Variants in IGDCC4 observed in about 807,000 individuals in gnomAD.
IGDCC4 encodes the protein immunoglobulin superfamily DCC subclass member 4.
A neutral mutation model predicts 116.6 loss-of-function variants in IGDCC4; 72 were observed. The ratio of observed to expected loss-of-function variants is 0.62; its 90% confidence interval spans 0.51 to 0.75. The LOEUF (loss-of-function observed/expected upper bound fraction) is 0.75. Ranked by LOEUF, IGDCC4 falls within the 30% of genes least tolerant of loss-of-function variation. IGDCC4 has a pLI of 0.00. For missense variants in IGDCC4, 1,501 were observed against 1,662.4 expected (o/e 0.90, Z 1.69); for synonymous variants, 709 against 719.9 (o/e 0.98, Z 0.24).
At chr15:65,404,875 AC>A (rs2063025411) in intron 3 of IGDCC4, among the ~76,000 whole-genome samples, 1 of 152,114 alleles carries the variant, frequency 6.6e-6, no homozygotes, top group African/African-American at 2.4e-5. Context: ...ACATGGCAAA[AC>A]CCAGTCTCTA....
At chr15:65,397,610 A>G (rs1435117065) in intron 5 of IGDCC4, among the ~76,000 whole-genome samples, 2 of 151,790 alleles carry the variant, frequency 1.3e-5, no homozygotes, top group African/African-American at 4.8e-5. Context: ...TGGAAGGATC[A>G]CTTGAGACCA....
intron 3 of IGDCC4, among the ~76,000 whole-genome samples, chr15:65,408,281 T>G (rs1326146713): frequency 6.6e-6 from 1 of 152,192 alleles, no homozygotes; most frequent in East Asian, 1.9e-4. Flanking sequence ...TGCTGCCTTC[T>G]GCTACCCTCT....
chr15:65,389,738 G>A (rs913355866), intron 13 of IGDCC4, among the ~76,000 whole-genome samples: 2 of 152,168 alleles, frequency 1.3e-5, no homozygotes, highest in Admixed American at 1.3e-4. Context: ...GTATATATCG[G>A]TTGCTTTTTA....
At chr15:65,422,729 G>A in intron 1 of IGDCC4, 64 bp downstream of exon 1, 1 of 1,255,400 alleles carries the variant, frequency 8.0e-7, no homozygotes, top group Non-Finnish European at 1.0e-6. Flanking sequence ...GCCCGATGCA[G>A]ACCAGGGCGC....
intron 5 of IGDCC4, 28 bp downstream of exon 5, chr15:65,400,778 C>T: frequency 6.4e-7 from 1 of 1,567,136 alleles, no homozygotes; most frequent in Non-Finnish European, 8.7e-7. Context: ...CCTTCCCATG[C>T]CCTCCTTCTC....
chr15:65,414,417 C>A (rs1011565813), intron 1 of IGDCC4, among the ~76,000 whole-genome samples: 1 of 152,192 alleles, frequency 6.6e-6, no homozygotes, highest in Non-Finnish European at 1.5e-5. Flanking sequence ...CACACTACTG[C>A]GGGCCACGTG....
chr15:65,396,092 G>T lies in IGDCC4; in HGVS notation c.1069C>A (p.Arg357Ser). 3 of 1,384,980 alleles carry T rather than the reference G, an allele frequency of 2.2e-6. No individual in the cohort carries two copies. The highest frequency in any genetic ancestry group is 2.8e-6 in the Non-Finnish European group (3 of 1,077,206). 85.8% of individuals were successfully genotyped at this position (1,384,980 alleles called of 1,614,324 possible). A position where few individuals can be genotyped will look rare whatever the true frequency, so the allele number is the denominator to read the frequency against. The change falls in exon 7 of 20, where the codon CGC (arginine) becomes AGC (serine). Residue 357 changes from arginine to serine, a missense_variant. Physicochemically the swap from Arg to Ser is moderately radical, Grantham distance 110 (BLOSUM62 -1). Transcript: ENST00000352385. ...GCTGGCCGCGGCTCCCCCGACGCGC[G>T]GCACACGAAGCGCGCTGTGCTCGCC... ...TRASTARFVC[R>S]ASGEPRPALR... is the part of the protein sequence containing the mutation.
Position 65,393,321 on chromosome 15 carries a change from G to A in IGDCC4, c.1885+40C>T, listed in dbSNP as rs770657412. 1.9e-6 allele frequency: 3 copies of A among 1,560,284 alleles called. No individual in the cohort carries two copies. The highest frequency in any genetic ancestry group is 2.3e-5 in the East Asian group (1 of 43,378). On this transcript the variant is annotated intron_variant, in intron 10 of 19. Coordinates refer to ENST00000352385, the MANE Select transcript of IGDCC4 (RefSeq NM_020962.3). The surrounding 1 kb of genome is among the most constrained non-coding windows in gnomAD (Gnocchi z 4.6). ...CCAAGGACACACGCACACCCACACAGTCACACACACACTGTCCTGTCTCTC... is the reference window on the plus strand; with the variant it reads ...CCAAGGACACACGCACACCCACACAATCACACACACACTGTCCTGTCTCTC...
At chr15:65,418,703 C>A (rs1309745629) in intron 1 of IGDCC4, among the ~76,000 whole-genome samples, 1 of 152,188 alleles carries the variant, frequency 6.6e-6, no homozygotes, top group Non-Finnish European at 1.5e-5. Context: ...GGTCCTCTCC[C>A]TCAGAGCCAT....
chr15:65,392,089 A>C, intron 11 of IGDCC4, 45 bp downstream of exon 11: 1 of 1,481,600 alleles, frequency 6.7e-7, no homozygotes. Context: ...CCCAGTCCCC[A>C]CTGAAGCTAC....
In IGDCC4 at chr15:65,393,358, T is replaced by C. The variant is rs1012153029; in HGVS notation, c.1885+3A>G. ...CTGTCCTGTCTCTCCTCTAACCCCG[T>C]ACCATGGCTCTGGTTGTGCATACTG... On this transcript the variant is annotated splice_donor_region_variant and intron_variant, in intron 10 of 19. Transcript: ENST00000352385. This position sits in a 1 kb window ranked among gnomAD's most constrained non-coding sequence, Gnocchi z 4.6. 1 of 1,608,306 alleles carries C rather than the reference T, an allele frequency of 6.2e-7. No individual in the cohort carries two copies. The highest frequency in any genetic ancestry group is 1.7e-5 in the Admixed American group (1 of 59,660).
rs762553427 is a variant in IGDCC4, at chr15:65,401,645, G to A, written c.701-699C>T. Among the ~76,000 whole-genome samples, 3 of 152,188 alleles carry A rather than the reference G, an allele frequency of 2.0e-5. No homozygotes were observed. In the South Asian group the frequency reaches 6.2e-4, roughly 32 times the overall value. ...TGGGAGGGATGCATGGCAAAGGGAA[G>A]CAAGGGAGGTGCCCCTGGGGGAGGC... On this transcript the variant is annotated intron_variant, in intron 4 of 19. Coordinates refer to ENST00000352385, the MANE Select transcript of IGDCC4 (RefSeq NM_020962.3).
chr15:65,395,350 G>T, intron 7 of IGDCC4, 92 bp from the exon 8 acceptor site: 1 of 1,311,122 alleles, frequency 7.6e-7, no homozygotes, highest in Non-Finnish European at 1.1e-6. Context: ...TATTGTCCTG[G>T]TGTCTATTTA....
At chr15:65,385,410 T>A (rs1432943092) in intron 18 of IGDCC4, 1 of 526,700 alleles carries the variant, frequency 1.9e-6, no homozygotes, top group Non-Finnish European at 3.4e-6. Flanking sequence ...TTGGGTGGGA[T>A]GTGCCGCCCC....
chr15:65,422,719 G>A (rs376802981), intron 1 of IGDCC4, 74 bp downstream of exon 1: 1 of 1,174,056 alleles, frequency 8.5e-7, no homozygotes, highest in South Asian at 2.2e-5. Context: ...CAGCCCCGCA[G>A]CCCGATGCAG....
At chr15:65,397,912 G>A (rs2062942824) in intron 5 of IGDCC4, among the ~76,000 whole-genome samples, 1 of 152,140 alleles carries the variant, frequency 6.6e-6, no homozygotes, top group Admixed American at 6.5e-5. Flanking sequence ...AACTGGAAAG[G>A]ACTTAAAAAT....
At chr15:65,394,302 T>C in intron 9 of IGDCC4, 109 bp downstream of exon 9, 3 of 1,538,012 alleles carry the variant, frequency 2.0e-6, no homozygotes, top group Non-Finnish European at 2.6e-6. Context: ...ACCCCTACTC[T>C]GCTTCCTTTC....
At chr15:65,422,576 C>G (rs1015707344) in intron 1 of IGDCC4, among the ~76,000 whole-genome samples, 6 of 149,044 alleles carry the variant, frequency 4.0e-5, no homozygotes, top group Non-Finnish European at 5.9e-5. Context: ...ACTCTGCGAA[C>G]CAAAGGCACA....
At position 65,401,045 on chromosome 15, in the gene IGDCC4, G is replaced by T. The variant is rs566591838; in HGVS notation, c.701-99C>A. 1.7e-5 allele frequency: 26 copies of T among 1,486,862 alleles called. No homozygotes were observed. In the African/African-American group the frequency reaches 2.9e-4, roughly 16 times the overall value. The allele number at this position is 1,486,862 out of a possible 1,614,324, so 92.1% of individuals were successfully genotyped here. A position where few individuals can be genotyped will look rare whatever the true frequency, so the allele number is the denominator to read the frequency against. On this transcript the variant is annotated intron_variant, in intron 4 of 19. Coordinates refer to ENST00000352385, the MANE Select transcript of IGDCC4 (RefSeq NM_020962.3). ...AGTAACCTGGTGAGGTGGTACCGGG[G>T]ACAGCAGCAATGATTCCATCTGTCA...
Sources: gnomAD v4.1 joint callset for allele counts (sites outside exome capture counted in the v4.1 genomes callset) on GRCh38, gnomAD v4.1.1 for gene constraint, Gnocchi (gnomAD v3.1) non-coding constraint, MANE v1.5 for transcripts, NCBI Gene and HGNC (gene_info 2026-07-23, HGNC 2026-07-21) for gene names.